TMEM97: variants seen among roughly 807,000 people sequenced by gnomAD.
The protein encoded by TMEM97 is sigma intracellular receptor 2.
A neutral mutation model predicts 18.3 loss-of-function variants in TMEM97; 13 were observed. The observed-to-expected ratio is 0.71, with a 90% CI of 0.46 to 1.13. The LOEUF (loss-of-function observed/expected upper bound fraction) is 1.13, where lower values mean the gene tolerates loss of function less well. TMEM97 is among the 50% of genes most tolerant of loss of function. The pLI is 0.00. For synonymous variants in TMEM97, 76 were observed against 85.3 expected, an observed-to-expected ratio of 0.89 and a Z score of 0.60; for missense variants, 205 against 210.5, an observed-to-expected ratio of 0.97 and a Z score of 0.16.
Position 28,325,553 on chromosome 17 carries a change from A to G in TMEM97, c.177A>G (p.Leu59=), listed in dbSNP as rs782665607. 1.2e-6 allele frequency: 2 copies of G among 1,614,240 alleles called. No homozygotes were observed. The highest frequency in any genetic ancestry group is 1.7e-6 in the Non-Finnish European group (2 of 1,180,044). The change falls in exon 2 of 3, where the codon CTA becomes CTG. Residue 59 remains leucine, a synonymous_variant. Transcript: ENST00000226230. ...WYAKEFKDPL[L]QEPPAWFKSF... is the part of the protein sequence containing the mutation. ...CTAAGGAGTTCAAAGACCCACTGCT[A>G]CAGGAGCCCCCAGCCTGGTTTAAGT...
At position 28,328,141 on chromosome 17, in the gene TMEM97, C is replaced by A. The variant is rs11554037; in HGVS notation, c.*1348C>A. 6.5e-6 allele frequency: 1 copy of A among 154,088 alleles called. No homozygotes were observed. Among genetic ancestry groups the A allele is most frequent in the Non-Finnish European group, 1.4e-5 (1 of 69,182 alleles). 9.5% of individuals were successfully genotyped at this position (154,088 alleles called of 1,614,324 possible). On this transcript the variant is annotated 3_prime_UTR_variant, in exon 3 of 3. Transcript: ENST00000226230. ...CCCAGTCAGTTCCCTCTATTTTCAC[C>A]CATTTTGCTCACAAGCCATATTGGC...
rs138802405 is a variant in TMEM97, at chr17:28,325,938, C to T, written c.271+291C>T. ...AGCTTGTTCCCTTTTGTTTTGTTCCCCAACAGAATTAATTTCTCTTTTTGT... is the reference window on the plus strand; with the variant it reads ...AGCTTGTTCCCTTTTGTTTTGTTCCTCAACAGAATTAATTTCTCTTTTTGT... On this transcript the variant is annotated intron_variant, in intron 2 of 2. Transcript: ENST00000226230. 379 of 423,912 alleles carry T rather than the reference C, an allele frequency of 8.9e-4. 1 individual carries two copies. The highest frequency in any genetic ancestry group is 7.1e-3 in the African/African-American group (353 of 49,914). The allele number at this position is 423,912 out of a possible 1,614,324, so 26.3% of individuals were successfully genotyped here.
At chr17:28,319,498 C>A in intron 1 of TMEM97, 133 bp downstream of exon 1, 1 of 1,117,704 alleles carries the variant, frequency 8.9e-7, no homozygotes, top group Non-Finnish European at 1.2e-6. Flanking sequence ...GCCTCCCCCG[C>A]TCCTAACCCA....
At chr17:28,321,661 A>C (rs1262029172) in intron 1 of TMEM97, among the ~76,000 whole-genome samples, 1 of 152,104 alleles carries the variant, frequency 6.6e-6, no homozygotes, top group Non-Finnish European at 1.5e-5. Context: ...TTCTGGGCTC[A>C]AGCCATCCTC....
chr17:28,325,061 G>A (rs1167523993), intron 1 of TMEM97, among the ~76,000 whole-genome samples: 1 of 151,722 alleles, frequency 6.6e-6, no homozygotes, highest in East Asian at 1.9e-4. Context: ...ATTACAAAAG[G>A]GAAAGTGTCA....
chr17:28,319,489 C>A, intron 1 of TMEM97, 124 bp downstream of exon 1: 1 of 1,210,292 alleles, frequency 8.3e-7, no homozygotes, highest in Non-Finnish European at 1.1e-6. Context: ...CCTGCCCATG[C>A]CTCCCCCGCT....
chr17:28,322,243 CT>C (rs367769241), intron 1 of TMEM97, among the ~76,000 whole-genome samples: 241 of 142,572 alleles, frequency 1.7e-3, no homozygotes, highest in Middle Eastern at 3.6e-3. Flanking sequence ...GTTTTTCTTT[CT>C]TTTTTTTTTT....
Position 28,327,016 on chromosome 17 carries a change from AG to A in TMEM97, c.*226del. The A allele has an allele frequency of 1.9e-6, 1 of 536,438 alleles. No homozygotes were observed. The highest frequency in any genetic ancestry group is 3.3e-6 in the Non-Finnish European group (1 of 307,090). The allele number at this position is 536,438 out of a possible 1,614,324, so 33.2% of individuals were successfully genotyped here. The stretch of plus-strand genomic sequence containing the variant: ...CACTCTGTTGCCCAGGCTGGAGTAA[AG>A]GGCAGTGGCATGATCTCGGCTCACT... On this transcript the variant is annotated 3_prime_UTR_variant, in exon 3 of 3. Coordinates refer to ENST00000226230, the MANE Select transcript of TMEM97 (RefSeq NM_014573.3).
intron 1 of TMEM97, among the ~76,000 whole-genome samples, chr17:28,323,249 TATG>T (rs1278218778): frequency 1.3e-5 from 2 of 152,184 alleles, no homozygotes; most frequent in African/African-American, 4.8e-5. Flanking sequence ...TGGTTACGAT[TATG>T]ATAATTCATT....
chr17:28,322,325 A>G (rs868932425), intron 1 of TMEM97, among the ~76,000 whole-genome samples: 2 of 151,500 alleles, frequency 1.3e-5, no homozygotes, highest in Non-Finnish European at 2.9e-5. Context: ...GCTCACTGCA[A>G]CCTCTGCCTC....
At chr17:28,326,493 G>T in intron 2 of TMEM97, 41 bp from the exon 3 acceptor site, 1 of 1,593,804 alleles carries the variant, frequency 6.3e-7, no homozygotes, top group South Asian at 1.1e-5. Flanking sequence ...TTTGAGTCAT[G>T]AACAGACCTA....
chr17:28,319,854 G>A (rs920206673), intron 1 of TMEM97, among the ~76,000 whole-genome samples: 1 of 152,190 alleles, frequency 6.6e-6, no homozygotes, highest in Non-Finnish European at 1.5e-5. Flanking sequence ...GATCGTCACT[G>A]CTTCGAGATC....
chr17:28,321,181 T>A (rs1298197165), intron 1 of TMEM97, among the ~76,000 whole-genome samples: 2 of 152,182 alleles, frequency 1.3e-5, no homozygotes, highest in African/African-American at 2.4e-5. Context: ...TATCTGTGGT[T>A]TTTGAAACCT....
At position 28,326,824 on chromosome 17, in the gene TMEM97, G is replaced by A. The variant is rs1283903240; in HGVS notation, c.*31G>A. ...ACAACCACTGGCCCAGGGTAGAGAT[G>A]CCTACAGGGTGGTTGCTTGTTGGAT... is the stretch of plus-strand genomic sequence containing the variant. On this transcript the variant is annotated 3_prime_UTR_variant, in exon 3 of 3. Coordinates refer to ENST00000226230, the MANE Select transcript of TMEM97 (RefSeq NM_014573.3). The A allele has an allele frequency of 6.3e-6, 10 of 1,598,566 alleles. No homozygotes were observed. The highest frequency in any genetic ancestry group is 1.3e-5 in the African/African-American group (1 of 74,208).
chr17:28,327,074 T>C lies in TMEM97; in HGVS notation c.*281T>C, dbSNP rs1398649171. ...TCCGCCTCCTGGGCTCAAGCCATCT[T>C]CCTTAGCCTCCCAAGTAGCTAGAAC... On this transcript the variant is annotated 3_prime_UTR_variant, in exon 3 of 3. Transcript: ENST00000226230. 5.0e-6 allele frequency: 2 copies of C among 400,804 alleles called. No homozygotes were observed. The highest frequency in any genetic ancestry group is 9.2e-6 in the Non-Finnish European group (2 of 218,070). The allele number at this position is 400,804 out of a possible 1,614,324, so 24.8% of individuals were successfully genotyped here. A position where few individuals can be genotyped will look rare whatever the true frequency, so the allele number is the denominator to read the frequency against.
Position 28,326,615 on chromosome 17 carries a change from TTC to T in TMEM97, c.355_356del (p.Leu119ValfsTer2), listed in dbSNP as rs1230339155. The T allele has an allele frequency of 6.2e-7, 1 of 1,614,064 alleles. No homozygotes were observed. The highest frequency in any genetic ancestry group is 8.5e-7 in the Non-Finnish European group (1 of 1,180,024). On this transcript the variant is annotated frameshift_variant, in exon 3 of 3. Transcript: ENST00000226230. LOFTEE classifies it high-confidence loss of function. ...ACCTTAATTCCGATACTCTCCACATTTCTGTTTGAGGATTTCTCCAAAGCCAG... is the reference window on the plus strand; with the variant it reads ...ACCTTAATTCCGATACTCTCCACATTTGTTTGAGGATTTCTCCAAAGCCAG...
Position 28,328,488 on chromosome 17 carries a change from C to A in TMEM97, c.*1695C>A. 1 of 634,404 alleles carries A rather than the reference C, an allele frequency of 1.6e-6. No homozygotes were observed. Among genetic ancestry groups the A allele is most frequent in the Non-Finnish European group, 2.8e-6 (1 of 354,092 alleles). 39.3% of individuals were successfully genotyped at this position (634,404 alleles called of 1,614,324 possible). A position where few individuals can be genotyped will look rare whatever the true frequency, so the allele number is the denominator to read the frequency against. ...AGCTGTGCACTGATGTTAAAACTGG[C>A]TCCCCCAGACTTGTAGTGCTGTCTT... On this transcript the variant is annotated 3_prime_UTR_variant, in exon 3 of 3. Transcript: ENST00000226230.
chr17:28,326,548 A>G lies in TMEM97; in HGVS notation c.286A>G (p.Ile96Val), dbSNP rs375683627. 7.0e-5 allele frequency: 113 copies of G among 1,613,658 alleles called. 1 individual carries two copies. In the African/African-American group the frequency reaches 1.5e-3, roughly 21 times the overall value. ...YAFLKGSCKW[I>V]RTPAIIYSVH... ...GACTACCTCAGGAAGCTGCAAGTGGATTCGAACTCCTGCAATCATCTACTC... is the reference window on the plus strand; with the variant it reads ...GACTACCTCAGGAAGCTGCAAGTGGGTTCGAACTCCTGCAATCATCTACTC... Residue 96 changes from isoleucine to valine, a missense_variant, in exon 3 of 3, where the codon ATT becomes GTT. Ile to Val is a conservative substitution (Grantham distance 29). Coordinates refer to ENST00000226230, the MANE Select transcript of TMEM97 (RefSeq NM_014573.3).
rs1555574681 is a variant in TMEM97, at chr17:28,319,383, T to TA, written c.126+19dup. The TA allele has an allele frequency of 6.5e-7, 1 of 1,527,762 alleles. No homozygotes were observed. The highest frequency in any genetic ancestry group is 1.7e-5 in the African/African-American group (1 of 59,500). 94.6% of individuals were successfully genotyped at this position (1,527,762 alleles called of 1,614,324 possible). A position where few individuals can be genotyped will look rare whatever the true frequency, so the allele number is the denominator to read the frequency against. On this transcript the variant is annotated intron_variant, in intron 1 of 2. Transcript: ENST00000226230. ...CAGTCGAGGTGAGGGGCGCCCCTCT[T>TA]ATCCCGGCCCGCTGAGGCTCTCCCG...
Sources: gnomAD v4.1 joint callset for allele counts (sites outside exome capture counted in the v4.1 genomes callset) on GRCh38, gnomAD v4.1.1 for gene constraint, MANE v1.5 for transcripts, NCBI Gene and HGNC (gene_info 2026-07-23, HGNC 2026-07-21) for gene names.